The following GRIK2 variants were observed in gnomAD, a reference collection of about 807,000 sequenced individuals.
GRIK2 encodes glutamate ionotropic receptor kainate type subunit 2.
In GRIK2, 32 loss-of-function variants were observed where a neutral mutation model predicts 100.3. That is an observed-to-expected ratio of 0.32 (90% CI 0.24 to 0.43). GRIK2 has a LOEUF of 0.43. Ranked by LOEUF, GRIK2 falls within the 20% of genes least tolerant of loss-of-function variation. The pLI, the probability that GRIK2 is intolerant of heterozygous loss-of-function variation, is 1.00. For missense variants in GRIK2, 843 were observed against 1,114.9 expected, an observed-to-expected ratio of 0.76 and a Z score of 3.47; for synonymous variants, 417 against 389.4, an observed-to-expected ratio of 1.07 and a Z score of -0.83.
At chr6:101,543,706 A>G (rs1301530534) in intron 2 of GRIK2, among the ~76,000 whole-genome samples, 1 of 152,176 alleles carries the variant, frequency 6.6e-6, no homozygotes, top group Non-Finnish European at 1.5e-5. Flanking sequence ...GTGTATTCTC[A>G]TGTAACATGG....
intron 14 of GRIK2, among the ~76,000 whole-genome samples, chr6:101,992,558 G>A (rs1221868001): frequency 6.6e-6 from 1 of 151,576 alleles, no homozygotes; most frequent in Non-Finnish European, 1.5e-5. Flanking sequence ...CAAACCAACC[G>A]AGGTCAATAG....
intron 10 of GRIK2, among the ~76,000 whole-genome samples, chr6:101,846,244 C>T (rs1282236285): frequency 6.6e-6 from 1 of 152,028 alleles, no homozygotes; most frequent in Non-Finnish European, 1.5e-5. Context: ...AATCCAAAAT[C>T]ATGAAGTCTT....
At chr6:101,966,553 C>T (rs1459112320) in intron 14 of GRIK2, among the ~76,000 whole-genome samples, 1 of 151,944 alleles carries the variant, frequency 6.6e-6, no homozygotes, top group Non-Finnish European at 1.5e-5. Context: ...TGTTGAGGAC[C>T]TGAATGTTCT....
At chr6:101,928,178 G>T in intron 13 of GRIK2, 1 of 519,672 alleles carries the variant, frequency 1.9e-6, no homozygotes, top group South Asian at 2.6e-5. Context: ...CATCATCTCA[G>T]GTAGAACATG....
intron 4 of GRIK2, among the ~76,000 whole-genome samples, chr6:101,668,807 C>T (rs369424170): frequency 6.6e-6 from 1 of 152,016 alleles, no homozygotes; most frequent in African/African-American, 2.4e-5. Flanking sequence ...CGAGGCCTGC[C>T]GTAGAAGTGG....
At chr6:101,595,830 G>A (rs938196252) in intron 2 of GRIK2, among the ~76,000 whole-genome samples, 1 of 150,198 alleles carries the variant, frequency 6.7e-6, no homozygotes, top group African/African-American at 2.4e-5. Flanking sequence ...CAGTTTTTAT[G>A]GGCCTTATAT....
intron 12 of GRIK2, among the ~76,000 whole-genome samples, chr6:101,903,288 G>C (rs1337367290): frequency 2.6e-5 from 4 of 151,656 alleles, no homozygotes; most frequent in Non-Finnish European, 5.9e-5. Flanking sequence ...GATATTATTG[G>C]GTATGTTATT....
chr6:101,417,922 T>TTTTTG (rs1347667224), intron 2 of GRIK2, among the ~76,000 whole-genome samples: 1 of 152,238 alleles, frequency 6.6e-6, no homozygotes, highest in African/African-American at 2.4e-5. Context: ...TTCCCTTTCT[T>TTTTTG]TTTTGTTATC....
chr6:101,719,899 G>A (rs1332635469), intron 7 of GRIK2, among the ~76,000 whole-genome samples: 1 of 151,840 alleles, frequency 6.6e-6, no homozygotes, highest in African/African-American at 2.4e-5. Flanking sequence ...GGTATTCTGA[G>A]ATTTTTTAGG....
At position 101,826,440 on chromosome 6, in the gene GRIK2, G is replaced by A. The variant is rs1782336773; in HGVS notation, c.1317+7957G>A. Among the ~76,000 whole-genome samples, 5 of 152,042 alleles carry A rather than the reference G, an allele frequency of 3.3e-5. No homozygotes were observed. The South Asian group carries it at 1.0e-3, about 31-fold the overall frequency. The stretch of plus-strand genomic sequence containing the variant: ...TAGCACTGCCACAGCGTGTGATGGG[G>A]ATGGTGGGAAAGGAGATGATGAATG... On this transcript the variant is annotated intron_variant, in intron 10 of 16. Coordinates refer to ENST00000369134, the MANE Select transcript of GRIK2 (RefSeq NM_021956.5).
At chr6:101,457,846 C>T (rs1771091734) in intron 2 of GRIK2, among the ~76,000 whole-genome samples, 1 of 152,090 alleles carries the variant, frequency 6.6e-6, no homozygotes. Flanking sequence ...GTGGCTACTA[C>T]TCTGAAAGCA....
intron 1 of GRIK2, among the ~76,000 whole-genome samples, chr6:101,396,379 C>T (rs549159860): frequency 6.6e-6 from 1 of 152,092 alleles, no homozygotes; most frequent in African/African-American, 2.4e-5. Context: ...TGTCTTTAGC[C>T]ACTGAATATT....
chr6:101,755,161 G>GTTTTTTTTTTTTTTTTTTTTTTTTT (rs1157640683), intron 7 of GRIK2, among the ~76,000 whole-genome samples: 3 of 102,958 alleles, frequency 2.9e-5, no homozygotes, highest in Non-Finnish European at 5.5e-5. Context: ...TTTCTTTTTG[G>GTTTTTTTTTTTTTTTTTTTTTTTTT]TTTTTTTTTT....
At chr6:101,433,860 G>A (rs192242844) in intron 2 of GRIK2, among the ~76,000 whole-genome samples, 40 of 152,244 alleles carry the variant, frequency 2.6e-4, no homozygotes, top group African/African-American at 9.1e-4. Flanking sequence ...ATCACCAGTT[G>A]CTTATGTAAA....
chr6:101,979,703 C>T (rs912568597), intron 14 of GRIK2, among the ~76,000 whole-genome samples: 30 of 152,002 alleles, frequency 2.0e-4, no homozygotes, highest in African/African-American at 6.3e-4. Context: ...CATGCACACC[C>T]CCTTCATCTT....
intron 2 of GRIK2, among the ~76,000 whole-genome samples, chr6:101,403,314 C>A (rs1775425385): frequency 6.6e-6 from 1 of 152,182 alleles, no homozygotes; most frequent in South Asian, 2.1e-4. Flanking sequence ...CATGTCTTCC[C>A]TTCTGATGTT....
At chr6:101,598,077 T>G (rs1051087587) in intron 2 of GRIK2, among the ~76,000 whole-genome samples, 1 of 151,760 alleles carries the variant, frequency 6.6e-6, no homozygotes. Flanking sequence ...TAGAAAATGT[T>G]TAGTAACTTT....
At chr6:101,874,580 G>T (rs953189553) in intron 11 of GRIK2, among the ~76,000 whole-genome samples, 1 of 152,114 alleles carries the variant, frequency 6.6e-6, no homozygotes, top group African/African-American at 2.4e-5. Flanking sequence ...GGCAATGCAG[G>T]CTCTTTTTTG....
At chr6:101,845,214 C>T (rs2791826) in intron 10 of GRIK2, among the ~76,000 whole-genome samples, 122,622 of 152,016 alleles carry the variant, frequency 0.81, 50,511 homozygotes, top group Middle Eastern at 0.89. Flanking sequence ...GATGGGGTCT[C>T]GCTATGTTGC....
Sources: gnomAD v4.1 joint callset for allele counts (sites outside exome capture counted in the v4.1 genomes callset) on GRCh38, gnomAD v4.1.1 for gene constraint, MANE v1.5 for transcripts, NCBI Gene and HGNC (gene_info 2026-07-23, HGNC 2026-07-21) for gene names.